The following ITGA2 variants were observed in gnomAD, a reference collection of about 807,000 sequenced individuals.
ITGA2 encodes the protein integrin subunit alpha 2, also known as integrin alpha-2.
ITGA2 carries 101 observed loss-of-function variants against 146.3 expected under a neutral mutation model. That is an observed-to-expected ratio of 0.69 (90% confidence interval 0.59 to 0.81). The LOEUF is 0.81. Among genes scored for constraint, ITGA2 ranks in the 40% least tolerant of loss-of-function variants. The pLI, the probability that ITGA2 is intolerant of heterozygous loss-of-function variation, is 0.00. For synonymous variants in ITGA2, 477 were observed against 487.1 expected (o/e 0.98, Z 0.27); for missense variants, 1,281 against 1,402.7 (o/e 0.91, Z 1.39).
In ITGA2 at chr5:53,090,013, T is replaced by C. The variant is rs1182059187; in HGVS notation, c.3416T>C (p.Ile1139Thr). The change falls in exon 29 of 30, where the codon ATA becomes ACA. Residue 1139 changes from isoleucine to threonine, a missense_variant. Physicochemically the swap from Ile to Thr is moderately conservative, Grantham distance 89. This residue lies in a region of ITGA2 where 475 missense variants were observed against 530.5 expected (regional missense o/e 0.90). Transcript: ENST00000296585. ...CCAACAGGAGTTATAATAGGAAGTA[T>C]AATTGCTGGAATCCTTTTGCTGTTA... ...EVPTGVIIGS[I>T]IAGILLLLAL... 1 of 1,613,546 alleles carries C rather than the reference T, an allele frequency of 6.2e-7. No homozygotes were observed. Among genetic ancestry groups the C allele is most frequent in the East Asian group, 2.2e-5 (1 of 44,856 alleles).
Position 53,090,999 on chromosome 5 carries a change from A to C in ITGA2, c.*400A>C, listed in dbSNP as rs916479054. On this transcript the variant is annotated 3_prime_UTR_variant, in exon 30 of 30. Coordinates refer to ENST00000296585, the MANE Select transcript of ITGA2 (RefSeq NM_002203.4). ...CTCTTTAAAATATTTGTCTTTAAAC[A>C]GCAACTACAGAAGTGGAAGTGCTTG... 8.9e-6 allele frequency: 4 copies of C among 448,086 alleles called. No homozygotes were observed. The Admixed American group carries it at 1.6e-4, about 17-fold the overall frequency. 27.8% of individuals were successfully genotyped at this position (448,086 alleles called of 1,614,324 possible).
chr5:52,989,371 C>T lies in ITGA2; in HGVS notation c.-98C>T. 1 of 1,285,904 alleles carries T rather than the reference C, an allele frequency of 7.8e-7. No individual in the cohort carries two copies. The highest frequency in any genetic ancestry group is 1.1e-6 in the Non-Finnish European group (1 of 884,620). The allele number at this position is 1,285,904 out of a possible 1,614,324, so 79.7% of individuals were successfully genotyped here. A position where few individuals can be genotyped will look rare whatever the true frequency, so the allele number is the denominator to read the frequency against. ...CGGGGGAGAGAAGCCCTCTGGACAG[C>T]TTCTAGAGTGTGCAGGTTCTCGTAT... On this transcript the variant is annotated 5_prime_UTR_variant, in exon 1 of 30. Coordinates refer to ENST00000296585, the MANE Select transcript of ITGA2 (RefSeq NM_002203.4).
At chr5:53,072,578 G>A in intron 18 of ITGA2, 35 bp from the exon 19 acceptor site, 1 of 1,533,354 alleles carries the variant, frequency 6.5e-7, no homozygotes, top group South Asian at 1.1e-5. Context: ...TTCAACCCAA[G>A]AGCAAATGTA....
At chr5:52,991,412 A>G (rs755342337) in intron 1 of ITGA2, among the ~76,000 whole-genome samples, 6 of 152,052 alleles carry the variant, frequency 3.9e-5, no homozygotes, top group Admixed American at 1.3e-4. Flanking sequence ...CTCATTCACT[A>G]TCATTACACA....
intron 20 of ITGA2, among the ~76,000 whole-genome samples, 199 bp from the exon 21 acceptor site, chr5:53,074,186 A>G (rs1190578796): frequency 1.3e-5 from 2 of 151,980 alleles, no homozygotes; most frequent in African/African-American, 2.4e-5. Context: ...TGTTCTAGGT[A>G]TCTTTAGGGT....
At chr5:53,051,653 A>G (rs1312391817) in intron 7 of ITGA2, 94 bp downstream of exon 7, 8 of 1,238,214 alleles carry the variant, frequency 6.5e-6, no homozygotes, top group Non-Finnish European at 1.2e-6. Context: ...ACAAAGAAAA[A>G]TAATATACCT....
chr5:52,990,934 A>C (rs901229470), intron 1 of ITGA2, among the ~76,000 whole-genome samples: 1 of 152,146 alleles, frequency 6.6e-6, no homozygotes, highest in Non-Finnish European at 1.5e-5. Context: ...ATATAAACCC[A>C]AGCTTTTCAT....
intron 1 of ITGA2, among the ~76,000 whole-genome samples, chr5:53,001,649 A>G (rs990427127): frequency 1.3e-5 from 2 of 152,152 alleles, no homozygotes; most frequent in African/African-American, 4.8e-5. Context: ...AGACTGGTCA[A>G]TATAGCGAGA....
In ITGA2 at chr5:53,072,643, G is replaced by A. The variant is rs118190231; in HGVS notation, c.2377G>A (p.Gly793Arg). Reference sequence around the variant, plus strand: ...TTTCCACAAAGACTGTGGTGAGGACGGACTTTGCATTTCTGATCTAGTCCT... The same window carrying A: ...TTTCCACAAAGACTGTGGTGAGGACAGACTTTGCATTTCTGATCTAGTCCT... ...IPFHKDCGED[G>R]LCISDLVLDV... The change falls in exon 19 of 30, where the codon GGA becomes AGA. Residue 793 changes from glycine to arginine, a missense_variant. Gly to Arg is a moderately radical substitution (Grantham distance 125, BLOSUM62 -2). This residue lies in a region of ITGA2 where 475 missense variants were observed against 530.5 expected (regional missense o/e 0.90). Transcript: ENST00000296585. The A allele has an allele frequency of 6.3e-4, 1,008 of 1,610,418 alleles. 22 individuals carry two copies. In the East Asian group the frequency reaches 0.022, roughly 35 times the overall value.
Position 53,093,482 on chromosome 5 carries a change from G to GTATGTTTAGCGT in ITGA2, c.*2893_*2894insGTTATGTTTAGC, listed in dbSNP as rs1554026274. ...TAGGACAGCAGCCCTGTCCTAGAAG[G>GTATGTTTAGCGT]TATGTTTAGCAGCATTCCTGGCCTC... On this transcript the variant is annotated 3_prime_UTR_variant, in exon 30 of 30. Coordinates refer to ENST00000296585, the MANE Select transcript of ITGA2 (RefSeq NM_002203.4). 9.2e-4 allele frequency: 10 copies of GTATGTTTAGCGT among 10,902 alleles called. No individual in the cohort carries two copies. The highest frequency in any genetic ancestry group is 4.8e-3 in the African/African-American group (9 of 1,870). 0.7% of individuals were successfully genotyped at this position (10,902 alleles called of 1,614,324 possible).
intron 1 of ITGA2, among the ~76,000 whole-genome samples, chr5:53,024,689 T>C (rs563175167): frequency 7.2e-4 from 110 of 152,288 alleles, no homozygotes; most frequent in African/African-American, 2.5e-3. Context: ...GTGAGGATGT[T>C]ATAGGCAGTG....
In ITGA2 at chr5:52,990,568, G is replaced by GGTT. The variant is rs1561272362; in HGVS notation, c.64+1036_64+1037insGTT. Among the ~76,000 whole-genome samples, 435 of 143,992 alleles carry GGTT rather than the reference G, an allele frequency of 3.0e-3. 2 individuals carry two copies. The highest frequency in any genetic ancestry group is 0.011 in the African/African-American group (422 of 39,034). The allele number at this position is 143,992 out of a possible 152,430, so 94.5% of individuals were successfully genotyped here. On this transcript the variant is annotated intron_variant, in intron 1 of 29. Coordinates refer to ENST00000296585, the MANE Select transcript of ITGA2 (RefSeq NM_002203.4). ...TCTCTGATTTTAAAGTGTGTGTGTG[G>GGTT]TTTTTTTTTTTTTTTTTTACAAAGA...
At chr5:53,065,426 A>G (rs1326257728) in intron 14 of ITGA2, among the ~76,000 whole-genome samples, 1 of 151,970 alleles carries the variant, frequency 6.6e-6, no homozygotes, top group Non-Finnish European at 1.5e-5. Context: ...AAAAAAGCAA[A>G]TGAAACTAAA....
At chr5:53,082,503 G>C (rs1339201816) in intron 26 of ITGA2, among the ~76,000 whole-genome samples, 2 of 152,182 alleles carry the variant, frequency 1.3e-5, no homozygotes, top group East Asian at 1.9e-4. Flanking sequence ...ATGTGTCATA[G>C]ATTTTCAATT....
chr5:53,064,021 A>C (rs1413810489), intron 13 of ITGA2, among the ~76,000 whole-genome samples: 1 of 151,934 alleles, frequency 6.6e-6, no homozygotes, highest in Non-Finnish European at 1.5e-5. Context: ...AAGTCATGAA[A>C]TATTTCCATA....
chr5:52,997,661 A>G (rs1321080599), intron 1 of ITGA2, among the ~76,000 whole-genome samples: 1 of 152,172 alleles, frequency 6.6e-6, no homozygotes. Context: ...GATACCATGT[A>G]GAAATGCAGA....
At chr5:53,070,415 T>C (rs1745335612) in intron 17 of ITGA2, among the ~76,000 whole-genome samples, 155 bp downstream of exon 17, 1 of 152,078 alleles carries the variant, frequency 6.6e-6, no homozygotes, top group Admixed American at 6.6e-5. Flanking sequence ...ATATTTACTT[T>C]ATGCTAATAT....
At chr5:53,079,626 CA>C (rs2112020866) in intron 24 of ITGA2, among the ~76,000 whole-genome samples, 1 of 152,128 alleles carries the variant, frequency 6.6e-6, no homozygotes, top group East Asian at 1.9e-4. Flanking sequence ...TACATGGTTG[CA>C]ACTCTGCAAT....
rs201610232 is a variant in ITGA2 at position 53,062,932 on chromosome 5, A to G, written c.1602+3A>G. On this transcript the variant is annotated splice_donor_region_variant and intron_variant, in intron 13 of 29. Transcript: ENST00000296585. ...TCTACCTGTTTACTATCAAAGAGGT[A>G]AAAAAAAAAAAATAAACTAATAGTT... The G allele has an allele frequency of 1.2e-3, 491 of 405,630 alleles. 3 individuals carry two copies. The South Asian group carries it at 0.023, about 19-fold the overall frequency. 25.1% of individuals were successfully genotyped at this position (405,630 alleles called of 1,614,324 possible). A position where few individuals can be genotyped will look rare whatever the true frequency, so the allele number is the denominator to read the frequency against.
Sources: gnomAD v4.1 joint callset for allele counts (sites outside exome capture counted in the v4.1 genomes callset) on GRCh38, gnomAD v4.1.1 for gene constraint, gnomAD v4.1.1 regional missense constraint, MANE v1.5 for transcripts, NCBI Gene and HGNC (gene_info 2026-07-23, HGNC 2026-07-21) for gene names.